SMARCC1: variants seen among roughly 807,000 people sequenced by gnomAD.
The protein encoded by SMARCC1 is SWI/SNF complex subunit SMARCC1.
SMARCC1 carries 43 observed loss-of-function variants against 147.4 expected under a neutral mutation model. The observed-to-expected ratio is 0.29, with a 90% CI of 0.23 to 0.38. The LOEUF (loss-of-function observed/expected upper bound fraction) is 0.38. Among genes scored for constraint, SMARCC1 ranks in the 10% least tolerant of loss-of-function variants. SMARCC1 has a pLI of 1.00. For missense variants in SMARCC1, 1,119 were observed against 1,381.1 expected, an observed-to-expected ratio of 0.81 and a Z score of 3.01; for synonymous variants, 495 against 484.4, an observed-to-expected ratio of 1.02 and a Z score of -0.29.
At chr3:47,722,583 G>A (rs111706279) in intron 6 of SMARCC1, among the ~76,000 whole-genome samples, 6,796 of 152,002 alleles carry the variant, frequency 0.045, 234 homozygotes, top group Non-Finnish European at 0.06. Context: ...GGCATGAGCC[G>A]CTGTGCCTGG....
intron 2 of SMARCC1, among the ~76,000 whole-genome samples, chr3:47,752,757 G>GA (rs2034642578): frequency 1.3e-5 from 2 of 151,786 alleles, no homozygotes; most frequent in African/African-American, 4.8e-5. Flanking sequence ...AGTCCTGTCT[G>GA]AAAAAAACAA....
intron 26 of SMARCC1, among the ~76,000 whole-genome samples, chr3:47,604,999 C>T (rs780653567): frequency 2.6e-5 from 4 of 152,178 alleles, no homozygotes; most frequent in Non-Finnish European, 4.4e-5. Flanking sequence ...CCGCGCCCAG[C>T]CTAATGTGCT....
At chr3:47,663,097 AGAGGGAGG>A (rs1231052256) in intron 19 of SMARCC1, among the ~76,000 whole-genome samples, 1 of 116,474 alleles carries the variant, frequency 8.6e-6, no homozygotes, top group Non-Finnish European at 1.8e-5. Context: ...ACAAAAGAAA[AGAGGGAGG>A]GAGGGAGGGA....
At chr3:47,596,577 AAAT>A (rs1430711706) in intron 26 of SMARCC1, among the ~76,000 whole-genome samples, 4 of 151,238 alleles carry the variant, frequency 2.6e-5, no homozygotes, top group African/African-American at 9.7e-5. Flanking sequence ...AAAAAAAAAA[AAAT>A]AAATAAATAA....
rs1576440053 is a variant in SMARCC1, at chr3:47,778,203, CAAAAAACAA to C, written c.195+3391_195+3399del. On this transcript the variant is annotated intron_variant, in intron 1 of 27. Transcript: ENST00000254480. ...GAGACTCCATCTCAAAAAAAAAAAA[CAAAAAACAA>C]AAAACAAAAAAAACACTGACTCCTA... is the stretch of plus-strand genomic sequence containing the variant. Among the ~76,000 whole-genome samples the C allele has an allele frequency of 1.5e-4, 18 of 120,538 alleles. 1 individual carries two copies. In the East Asian group the frequency reaches 4.1e-3, roughly 27 times the overall value. The allele number at this position is 120,538 out of a possible 152,430, so 79.1% of individuals were successfully genotyped here.
intron 6 of SMARCC1, among the ~76,000 whole-genome samples, chr3:47,723,826 T>G (rs569906666): frequency 3.3e-5 from 5 of 151,328 alleles, no homozygotes; most frequent in African/African-American, 4.9e-5. Context: ...AATTAAAAAA[T>G]AAAAAGAAAA....
chr3:47,724,793 C>T (rs912567899), intron 6 of SMARCC1, among the ~76,000 whole-genome samples: 1 of 152,074 alleles, frequency 6.6e-6, no homozygotes, highest in African/African-American at 2.4e-5. Context: ...CAGTGGCTCA[C>T]GCCTGTAATC....
chr3:47,644,938 A>C lies in SMARCC1; in HGVS notation c.2321-6158T>G, dbSNP rs746828482. On this transcript the variant is annotated intron_variant, in intron 21 of 27. Transcript: ENST00000254480. ...TGTATCATCCTCTTGGTATTCCATG[A>C]AACGGCAAGGTGGGGGGAGTCAACC... 5.6e-3 allele frequency among the ~76,000 whole-genome samples: 860 copies of C among 152,278 alleles called. 5 individuals are homozygous for C. The highest frequency in any genetic ancestry group is 0.02 in the African/African-American group (824 of 41,552).
At chr3:47,680,584 GTCGCCCAGGC>G (rs2033631750) in intron 14 of SMARCC1, 76 bp from the exon 15 acceptor site, 1 of 852,906 alleles carries the variant, frequency 1.2e-6, no homozygotes, top group Non-Finnish European at 1.6e-6. Flanking sequence ...GTCTCGCTCT[GTCGCCCAGGC>G]TGGAGTGCAG....
At chr3:47,600,997 A>AAGAGAGAGAGAGAGAGAG (rs1559622849) in intron 26 of SMARCC1, among the ~76,000 whole-genome samples, 1 of 28,878 alleles carries the variant, frequency 3.5e-5, no homozygotes, top group Non-Finnish European at 6.9e-5. Context: ...GAGGAAGAAA[A>AAGAGAGAGAGAGAGAGAG]TGAGAGAGAG....
At chr3:47,703,566 A>G (rs572524493) in intron 10 of SMARCC1, among the ~76,000 whole-genome samples, 1 of 152,318 alleles carries the variant, frequency 6.6e-6, no homozygotes, top group African/African-American at 2.4e-5. Flanking sequence ...GCCAAAAGGT[A>G]TAAGAAAAGA....
chr3:47,705,323 CAAAA>C (rs754344034), intron 10 of SMARCC1, among the ~76,000 whole-genome samples: 4 of 103,740 alleles, frequency 3.9e-5, no homozygotes, highest in African/African-American at 3.8e-5. Context: ...GACTCCGTCT[CAAAA>C]AAAAAAAAAA....
At chr3:47,688,780 A>G (rs183360598) in intron 13 of SMARCC1, among the ~76,000 whole-genome samples, 2 of 152,342 alleles carry the variant, frequency 1.3e-5, no homozygotes, top group East Asian at 1.9e-4. Context: ...ACTGTCGGAT[A>G]ACATCTGAAA....
intron 26 of SMARCC1, among the ~76,000 whole-genome samples, chr3:47,600,698 G>A (rs985936130): frequency 1.3e-5 from 2 of 152,014 alleles, no homozygotes; most frequent in Admixed American, 1.3e-4. Context: ...TCTGAAATGG[G>A]GTAGAATTTA....
rs150987281 is a variant in SMARCC1 at position 47,708,525 on chromosome 3, G to A, written c.919-1995C>T. On this transcript the variant is annotated intron_variant, in intron 9 of 27. Coordinates refer to ENST00000254480, the MANE Select transcript of SMARCC1 (RefSeq NM_003074.4). ...AACAAACTAAATCTGAACAGAAATG[G>A]GTATGAACTGGCCAGTTAAATAATG... Among the ~76,000 whole-genome samples the A allele has an allele frequency of 2.6e-5, 4 of 152,108 alleles. No homozygotes were observed. The East Asian group carries it at 5.8e-4, about 22-fold the overall frequency.
chr3:47,629,738 T>C (rs2032862033), intron 24 of SMARCC1, among the ~76,000 whole-genome samples: 1 of 152,072 alleles, frequency 6.6e-6, no homozygotes, highest in African/African-American at 2.4e-5. Flanking sequence ...CCCTCTATAA[T>C]AGCCCAGCGA....
intron 15 of SMARCC1, among the ~76,000 whole-genome samples, chr3:47,679,738 T>C (rs1003647094): frequency 6.6e-6 from 1 of 151,872 alleles, no homozygotes; most frequent in Non-Finnish European, 1.5e-5. Context: ...GGTGCATGCC[T>C]GTAGTCTCAA....
At chr3:47,598,635 G>A (rs930985649) in intron 26 of SMARCC1, among the ~76,000 whole-genome samples, 2 of 151,966 alleles carry the variant, frequency 1.3e-5, no homozygotes, top group Admixed American at 6.6e-5. Flanking sequence ...ATCAAGACCA[G>A]CCTGGCCAAC....
Position 47,738,105 on chromosome 3 carries a change from C to T in SMARCC1, c.407G>A (p.Arg136Lys). ...YKYKNEQGWR[R>K]FDLQNPSRMD... ...TCGAGATGGGTTCTGTAGGTCAAACCTCCGCCTAAAAAAAAAGAAAAACCC... is the reference window on the plus strand; with the variant it reads ...TCGAGATGGGTTCTGTAGGTCAAACTTCCGCCTAAAAAAAAAGAAAAACCC... Residue 136 changes from arginine to lysine, a missense_variant, in exon 4 of 28, where the codon AGG becomes AAG. Physicochemically the swap from Arg to Lys is conservative, Grantham distance 26. Transcript: ENST00000254480. 6.5e-7 allele frequency: 1 copy of T among 1,547,312 alleles called. No individual in the cohort carries two copies. Among genetic ancestry groups the T allele is most frequent in the Non-Finnish European group, 8.7e-7 (1 of 1,149,370 alleles).
Sources: allele counts gnomAD v4.1 joint callset (sites outside exome capture counted in the v4.1 genomes callset), GRCh38; gene constraint gnomAD v4.1.1; transcripts MANE v1.5; gene names NCBI Gene and HGNC (gene_info 2026-07-23, HGNC 2026-07-21).